CEP63: variants seen among roughly 807,000 people sequenced by gnomAD.
CEP63 encodes centrosomal protein of 63 kDa.
In CEP63, 84 loss-of-function variants were observed where a neutral mutation model predicts 89.1. The ratio of observed to expected loss-of-function variants is 0.94; its 90% CI spans 0.79 to 1.13. CEP63 has a LOEUF of 1.13. Ranked by LOEUF, CEP63 falls within the 50% of genes most tolerant of loss-of-function variation. The pLI is 0.00. For synonymous variants in CEP63, 267 were observed against 272.5 expected (o/e 0.98, Z 0.20); for missense variants, 838 against 813.3 (o/e 1.03, Z -0.37).
chr3:134,567,479 A>AG (rs1434059573), downstream of CEP63, among the ~76,000 whole-genome samples: 7 of 151,778 alleles, frequency 4.6e-5, no homozygotes, highest in African/African-American at 1.7e-4. Flanking sequence ...AAAAAAAAAA[A>AG]AAAAGCCTCT....
intron 6 of CEP63, among the ~76,000 whole-genome samples, chr3:134,538,626 C>T (rs1458296590): frequency 6.7e-6 from 1 of 148,734 alleles, no homozygotes; most frequent in African/African-American, 2.5e-5. Context: ...CTGCATTGCT[C>T]AGGCTGATCT....
the CEP63 span, among the ~76,000 whole-genome samples, chr3:134,632,490 A>G: frequency 9.1e-4 from 139 of 152,072 alleles, no homozygotes; most frequent in Non-Finnish European, 1.7e-3. Context: ...AAAAATTAAC[A>G]TACTTTCAAA....
At chr3:134,684,374 C>A in the CEP63 span, among the ~76,000 whole-genome samples, 1 of 152,336 alleles carries the variant, frequency 6.6e-6, no homozygotes, top group African/African-American at 2.4e-5. Flanking sequence ...AATAATTCCA[C>A]ATGGGGACAT....
chr3:134,508,151 T>C (rs906310628), intron 3 of CEP63, among the ~76,000 whole-genome samples: 9 of 152,212 alleles, frequency 5.9e-5, no homozygotes, highest in African/African-American at 1.9e-4. Context: ...AAGAATAGTT[T>C]AGAAATGTTT....
At chr3:134,741,772 C>G in the CEP63 span, among the ~76,000 whole-genome samples, 2 of 152,158 alleles carry the variant, frequency 1.3e-5, no homozygotes, top group Non-Finnish European at 2.9e-5. Flanking sequence ...ACATCTAAAT[C>G]CTTATGGATG....
the CEP63 span, among the ~76,000 whole-genome samples, chr3:134,618,649 A>G: frequency 6.6e-6 from 1 of 151,698 alleles, no homozygotes; most frequent in Non-Finnish European, 1.5e-5. Flanking sequence ...GCCCACTCCC[A>G]GAGTGCTGAA....
the CEP63 span, among the ~76,000 whole-genome samples, chr3:134,664,596 G>A: frequency 2.0e-5 from 3 of 152,126 alleles, no homozygotes; most frequent in Non-Finnish European, 4.4e-5. Context: ...CTATGGCAAG[G>A]ATGGGGCCAT....
At chr3:134,486,414 G>A in intron 1 of CEP63, 2 of 985,482 alleles carry the variant, frequency 2.0e-6, no homozygotes, top group Non-Finnish European at 2.4e-6. Context: ...CCGCCCCGAA[G>A]CCCAGTCCCT....
chr3:134,599,286 G>T, the CEP63 span, among the ~76,000 whole-genome samples: 4 of 152,184 alleles, frequency 2.6e-5, no homozygotes, highest in South Asian at 8.3e-4. Flanking sequence ...TTAATATGCT[G>T]CCGGGTCTCC....
chr3:134,577,431 C>CTTTTTTTTTTTT (rs10662705), downstream of CEP63, among the ~76,000 whole-genome samples: 3 of 86,326 alleles, frequency 3.5e-5, no homozygotes, highest in East Asian at 3.9e-4. Context: ...TTCTAATCCA[C>CTTTTTTTTTTTT]TTTTTTTTTT....
the CEP63 span, chr3:134,624,974 G>T: frequency 8.1e-7 from 1 of 1,227,984 alleles, no homozygotes; most frequent in Non-Finnish European, 1.2e-6. Flanking sequence ...TTCAGGAGGT[G>T]TCTGGGGAGA....
chr3:134,764,624 A>G, the CEP63 span, among the ~76,000 whole-genome samples: 2 of 152,118 alleles, frequency 1.3e-5, no homozygotes, highest in East Asian at 1.9e-4. Flanking sequence ...CACCTTCCCC[A>G]TCGCAATGCT....
the CEP63 span, among the ~76,000 whole-genome samples, chr3:134,740,685 A>G: frequency 1.3e-5 from 2 of 151,954 alleles, no homozygotes; most frequent in Non-Finnish European, 2.9e-5. Flanking sequence ...ATTCCCTGGG[A>G]GCTCTTGATC....
the CEP63 span, among the ~76,000 whole-genome samples, chr3:134,737,048 A>G: frequency 6.6e-6 from 1 of 152,238 alleles, no homozygotes; most frequent in Admixed American, 6.5e-5. Flanking sequence ...ATTTTTGATC[A>G]ATGGAAAAAG....
chr3:134,668,228 T>G, the CEP63 span, among the ~76,000 whole-genome samples: 1 of 152,180 alleles, frequency 6.6e-6, no homozygotes, highest in Non-Finnish European at 1.5e-5. Flanking sequence ...GGCTACACTG[T>G]GATGCTGCCC....
At chr3:134,729,599 AT>A in the CEP63 span, among the ~76,000 whole-genome samples, 1 of 152,186 alleles carries the variant, frequency 6.6e-6, no homozygotes, top group Non-Finnish European at 1.5e-5. Flanking sequence ...TGAAGTTTGC[AT>A]TTTTCCCCCC....
chr3:134,558,059 A>C, intron 12 of CEP63, 83 bp from the exon 13 acceptor site: 2 of 1,210,894 alleles, frequency 1.7e-6, no homozygotes, highest in Non-Finnish European at 2.4e-6. Context: ...CAACTAAAAA[A>C]CACTGAATTT....
intron 3 of CEP63, among the ~76,000 whole-genome samples, chr3:134,530,534 T>A (rs1000870651): frequency 7.2e-5 from 11 of 152,200 alleles, no homozygotes; most frequent in African/African-American, 2.4e-4. Context: ...TTTTCTCAAT[T>A]TATTTACCTT....
At chr3:134,561,297 T>A (rs1191917495) in intron 14 of CEP63, 80 bp from the exon 15 acceptor site, 45 of 1,377,658 alleles carry the variant, frequency 3.3e-5, no homozygotes, top group Non-Finnish European at 4.5e-5. Context: ...TATTGCTAGT[T>A]AGAAAATGTC....
Sources: allele counts gnomAD v4.1 joint callset (sites outside exome capture counted in the v4.1 genomes callset), GRCh38; gene constraint gnomAD v4.1.1; transcripts MANE v1.5; gene names NCBI Gene and HGNC (gene_info 2026-07-23, HGNC 2026-07-21).